Variants in GRM8 observed in about 807,000 individuals in gnomAD.
GRM8 encodes metabotropic glutamate receptor 8.
In GRM8, 47 loss-of-function variants were observed where a neutral mutation model predicts 87.2. That is an observed-to-expected ratio of 0.54 (90% CI 0.43 to 0.69). The LOEUF (loss-of-function observed/expected upper bound fraction) is 0.69. Among genes scored for constraint, GRM8 ranks in the 30% least tolerant of loss-of-function variants. The pLI, the probability that GRM8 is intolerant of heterozygous loss-of-function variation, is 0.00. For missense variants in GRM8, 1,019 were observed against 1,139.2 expected (o/e 0.89, Z 1.52); for synonymous variants, 396 against 404.5 (o/e 0.98, Z 0.25).
chr7:127,249,475 C>T (rs1407017602), intron 1 of GRM8, among the ~76,000 whole-genome samples: 1 of 151,996 alleles, frequency 6.6e-6, no homozygotes, highest in African/African-American at 2.4e-5. Context: ...TGCAACAAGC[C>T]AGAGCAGAGA....
At chr7:126,615,339 C>T (rs1343564360) in intron 7 of GRM8, among the ~76,000 whole-genome samples, 1 of 152,040 alleles carries the variant, frequency 6.6e-6, no homozygotes, top group Non-Finnish European at 1.5e-5. Context: ...GATTTTGTCA[C>T]CACCAGGCCT....
chr7:127,148,273 G>C (rs748937735), intron 2 of GRM8, among the ~76,000 whole-genome samples: 60 of 152,002 alleles, frequency 3.9e-4, no homozygotes, highest in South Asian at 8.3e-4. Context: ...TTCATCAAGA[G>C]GACATGGCTA....
intron 6 of GRM8, among the ~76,000 whole-genome samples, chr7:126,800,758 G>A (rs992136075): frequency 6.6e-6 from 1 of 152,100 alleles, no homozygotes; most frequent in African/African-American, 2.4e-5. Context: ...AAAGAAAATA[G>A]AGCGCTAATA....
At chr7:126,907,284 AAG>A (rs755432108) in intron 3 of GRM8, among the ~76,000 whole-genome samples, 13 of 137,082 alleles carry the variant, frequency 9.5e-5, no homozygotes, top group East Asian at 2.4e-4. Context: ...AGGAAGAAGA[AAG>A]GGGAGGAGGA....
Position 127,122,437 on chromosome 7 carries a change from A to G in GRM8, c.511-15725T>C, listed in dbSNP as rs570112862. Among the ~76,000 whole-genome samples, 82 of 151,968 alleles carry G rather than the reference A, an allele frequency of 5.4e-4. No individual in the cohort carries two copies. The South Asian group carries it at 0.016, about 29-fold the overall frequency. ...AAATGTCTCCATAATGCTTTGCTAG[A>G]GACTGTATGTAAATATCATTAGGCT... On this transcript the variant is annotated intron_variant, in intron 2 of 10. Transcript: ENST00000339582.
At chr7:127,247,747 C>T (rs530156152) in intron 1 of GRM8, among the ~76,000 whole-genome samples, 29 of 152,240 alleles carry the variant, frequency 1.9e-4, no homozygotes, top group African/African-American at 6.3e-4. Context: ...AGATGGACCA[C>T]GTGATCTCTA....
At chr7:126,740,793 T>G (rs2157977) in intron 7 of GRM8, among the ~76,000 whole-genome samples, 59,312 of 151,938 alleles carry the variant, frequency 0.39, 12,784 homozygotes, top group Non-Finnish European at 0.48. Flanking sequence ...ATTCAGGTAT[T>G]TTTGTTAACC....
At chr7:127,085,969 G>A (rs1823431158) in intron 3 of GRM8, among the ~76,000 whole-genome samples, 1 of 152,082 alleles carries the variant, frequency 6.6e-6, no homozygotes, top group Non-Finnish European at 1.5e-5. Flanking sequence ...TCTATCTTGA[G>A]TATGCATATC....
chr7:127,149,953 T>C (rs1196755812), intron 2 of GRM8, among the ~76,000 whole-genome samples: 3 of 151,856 alleles, frequency 2.0e-5, no homozygotes, highest in African/African-American at 7.3e-5. Flanking sequence ...AGTCTAGAGA[T>C]CTAATGTACA....
chr7:126,823,707 G>A (rs560917966), intron 6 of GRM8, among the ~76,000 whole-genome samples: 3 of 152,034 alleles, frequency 2.0e-5, no homozygotes, highest in Non-Finnish European at 4.4e-5. Flanking sequence ...CTACGTTTCT[G>A]CAATCAATGT....
At chr7:126,580,764 G>A (rs779467508) in intron 8 of GRM8, among the ~76,000 whole-genome samples, 7 of 152,068 alleles carry the variant, frequency 4.6e-5, no homozygotes, top group Non-Finnish European at 1.0e-4. Flanking sequence ...TAATAAATAT[G>A]TAATTCAACT....
chr7:126,978,134 T>C (rs1026384804), intron 3 of GRM8, among the ~76,000 whole-genome samples: 3 of 151,266 alleles, frequency 2.0e-5, no homozygotes, highest in African/African-American at 7.3e-5. Context: ...TATTTTTGAG[T>C]GAATGAATAA....
At chr7:126,933,495 C>G (rs1438201052) in intron 3 of GRM8, among the ~76,000 whole-genome samples, 1 of 152,172 alleles carries the variant, frequency 6.6e-6, no homozygotes, top group Non-Finnish European at 1.5e-5. Context: ...CTTCTCTGAA[C>G]CCACATTTAC....
intron 2 of GRM8, among the ~76,000 whole-genome samples, chr7:127,135,617 CAAAAAAAAAAAA>C (rs1168682673): frequency 3.8e-4 from 14 of 36,836 alleles, no homozygotes; most frequent in African/African-American, 7.4e-4. Context: ...GACTCCGTCT[CAAAAAAAAAAAA>C]AAAAAAAAAA....
intron 3 of GRM8, among the ~76,000 whole-genome samples, chr7:127,059,632 G>A (rs983210539): frequency 3.3e-5 from 5 of 151,948 alleles, no homozygotes; most frequent in Non-Finnish European, 4.4e-5. Flanking sequence ...CACCGCGCCC[G>A]GCCCATATAA....
chr7:127,058,895 G>A (rs997648401), intron 3 of GRM8, among the ~76,000 whole-genome samples: 7 of 152,158 alleles, frequency 4.6e-5, no homozygotes, highest in East Asian at 3.8e-4. Context: ...CATAATGGGC[G>A]GTTTGTGCAG....
intron 9 of GRM8, among the ~76,000 whole-genome samples, chr7:126,493,194 G>A (rs528297557): frequency 6.6e-6 from 1 of 152,094 alleles, no homozygotes; most frequent in Admixed American, 6.5e-5. Flanking sequence ...TCTATTCAAA[G>A]TGGAAAATAG....
In GRM8 at chr7:126,923,846, G is replaced by A. The variant is rs142256497; in HGVS notation, c.728-19163C>T. ...ACTCTGGCATGAGTGCTTTTAGGAA[G>A]AGAAGAGGTTTGAGAAAGCTTCTTG... On this transcript the variant is annotated intron_variant, in intron 3 of 10. Transcript: ENST00000339582. Among the ~76,000 whole-genome samples the A allele has an allele frequency of 7.2e-3, 1,099 of 152,298 alleles. 18 individuals carry two copies. Among genetic ancestry groups the A allele is most frequent in the Middle Eastern group, 0.031 (9 of 294 alleles).
chr7:126,511,604 T>A (rs1811383045), intron 9 of GRM8: 1 of 152,092 alleles, frequency 6.6e-6, no homozygotes, highest in South Asian at 2.1e-4. Flanking sequence ...TGTGCTTCAA[T>A]GAATGACTGT....
Sources: gnomAD v4.1 joint callset for allele counts (sites outside exome capture counted in the v4.1 genomes callset) on GRCh38, gnomAD v4.1.1 for gene constraint, MANE v1.5 for transcripts, NCBI Gene and HGNC (gene_info 2026-07-23, HGNC 2026-07-21) for gene names.